Variants in DISC1 observed in about 807,000 individuals in gnomAD.
The protein encoded by DISC1 is DISC1 scaffold protein, also known as disrupted in schizophrenia 1 protein.
Under a neutral mutation model 84.5 loss-of-function variants are expected in DISC1, and 57 were observed. The ratio of observed to expected loss-of-function variants is 0.67; its 90% confidence interval spans 0.55 to 0.84. DISC1 has a LOEUF of 0.84. Among genes scored for constraint, DISC1 ranks in the 40% least tolerant of loss-of-function variants. The pLI is 0.00. For missense variants in DISC1, 1,000 were observed against 1,057.8 expected (o/e 0.95, Z 0.76); for synonymous variants, 411 against 415.2 (o/e 0.99, Z 0.12).
At chr1:231,861,538 G>A (rs546341631) in intron 9 of DISC1, among the ~76,000 whole-genome samples, 38 of 147,120 alleles carry the variant, frequency 2.6e-4, no homozygotes, top group Admixed American at 1.2e-3. Context: ...ATTTTTCTCA[G>A]AGCCTAATTA....
chr1:231,672,965 G>A (rs16854753), intron 1 of DISC1, among the ~76,000 whole-genome samples: 27,088 of 152,084 alleles, frequency 0.18, 3,235 homozygotes, highest in East Asian at 0.49. Context: ...TGCCTAACTA[G>A]TTTGGTGCAG....
intron 9 of DISC1, among the ~76,000 whole-genome samples, chr1:231,931,617 A>G (rs1000650493): frequency 6.6e-6 from 1 of 150,772 alleles, no homozygotes; most frequent in African/African-American, 2.4e-5. Flanking sequence ...AGGACCTACC[A>G]TATAGCTCAG....
At chr1:231,645,368 C>T (rs1259196304) in intron 1 of DISC1, among the ~76,000 whole-genome samples, 1 of 152,118 alleles carries the variant, frequency 6.6e-6, no homozygotes, top group Non-Finnish European at 1.5e-5. Flanking sequence ...ACAAGTCAAA[C>T]CAGGGCCTTT....
chr1:231,903,935 G>A (rs555796795), intron 9 of DISC1, among the ~76,000 whole-genome samples: 133 of 152,348 alleles, frequency 8.7e-4, no homozygotes, highest in African/African-American at 3.2e-3. Flanking sequence ...AGACTATAGA[G>A]AGTCAGGCTG....
chr1:231,749,980 A>G lies in DISC1; in HGVS notation c.1172A>G (p.His391Arg), dbSNP rs1303682098. 1.9e-6 allele frequency: 3 copies of G among 1,614,230 alleles called. No homozygotes were observed. Among genetic ancestry groups the G allele is most frequent in the Non-Finnish European group, 2.5e-6 (3 of 1,180,042 alleles). ...CTGGAACAAGAGAAAATCAGCCTGC[A>G]CTTTCAACTTCCTTCAAGGCAGCCA... ...EDLEQEKISL[H>R]FQLPSRQPAL... is the part of the protein sequence containing the mutation. The change falls in exon 4 of 13, where the codon CAC becomes CGC. Residue 391 changes from histidine to arginine, a missense_variant. By Grantham distance (29) the His-to-Arg change is conservative. This residue lies in a region of DISC1 where 311 missense variants were observed against 400.1 expected (regional missense o/e 0.78). Transcript: ENST00000439617.
At chr1:231,858,873 G>A (rs575866386) in intron 9 of DISC1, among the ~76,000 whole-genome samples, 4 of 152,268 alleles carry the variant, frequency 2.6e-5, no homozygotes, top group Non-Finnish European at 5.9e-5. Context: ...AATGTAAAAC[G>A]TTGATGAATT....
intron 9 of DISC1, among the ~76,000 whole-genome samples, chr1:231,864,655 G>A (rs1349570906): frequency 2.0e-5 from 3 of 151,928 alleles, no homozygotes; most frequent in African/African-American, 7.3e-5. Flanking sequence ...AGGGAGACTC[G>A]TCTCAAAAAC....
chr1:231,626,888 G>A lies in DISC1; in HGVS notation c.21G>A (p.Gln7=). The part of the protein sequence containing the change: MPGGGP[Q]GAPAAAGGGG... ...GGCGCATGCCAGGCGGGGGTCCTCA[G>A]GGCGCCCCAGCCGCCGCCGGCGGCG... is the stretch of plus-strand genomic sequence containing the variant. The change falls in exon 1 of 13, where the codon CAG becomes CAA. Residue 7 remains glutamine, a synonymous_variant. Coordinates refer to ENST00000439617, the MANE Select transcript of DISC1 (RefSeq NM_018662.3). 1 of 1,497,910 alleles carries A rather than the reference G, an allele frequency of 6.7e-7. No individual in the cohort carries two copies. Among genetic ancestry groups the A allele is most frequent in the Non-Finnish European group, 8.8e-7 (1 of 1,132,434 alleles). 92.8% of individuals were successfully genotyped at this position (1,497,910 alleles called of 1,614,324 possible).
At chr1:232,007,929 A>C (rs911650574) in intron 10 of DISC1, among the ~76,000 whole-genome samples, 1 of 152,128 alleles carries the variant, frequency 6.6e-6, no homozygotes, top group Non-Finnish European at 1.5e-5. Flanking sequence ...GTGAGTTCTC[A>C]TGAGATCTGG....
rs557878230 is a variant in DISC1 at position 231,811,127 on chromosome 1, G to A, written c.1793-7202G>A. ...TATTCTATGAAATATATGGCTGTCT[G>A]AAATGTTTGATGTGCAAAGCCAGCC... is the stretch of plus-strand genomic sequence containing the variant. On this transcript the variant is annotated intron_variant, in intron 8 of 12. Coordinates refer to ENST00000439617, the MANE Select transcript of DISC1 (RefSeq NM_018662.3). Among the ~76,000 whole-genome samples the A allele has an allele frequency of 1.8e-4, 27 of 152,342 alleles. No individual in the cohort carries two copies. The South Asian group carries it at 5.6e-3, about 32-fold the overall frequency.
chr1:231,820,509 G>A (rs749984538), intron 9 of DISC1, among the ~76,000 whole-genome samples: 1 of 152,156 alleles, frequency 6.6e-6, no homozygotes, highest in Non-Finnish European at 1.5e-5. Flanking sequence ...CTTAAAAAAA[G>A]ATTTTGATTT....
At chr1:231,916,150 C>T (rs934676344) in intron 9 of DISC1, among the ~76,000 whole-genome samples, 1 of 152,138 alleles carries the variant, frequency 6.6e-6, no homozygotes, top group African/African-American at 2.4e-5. Context: ...ATGGAAGTTA[C>T]CTAACTGACT....
rs148324192 is a variant in DISC1 at position 231,845,484 on chromosome 1, C to T, written c.1981+26967C>T. Among the ~76,000 whole-genome samples, 1,132 of 152,168 alleles carry T rather than the reference C, an allele frequency of 7.4e-3. 6 individuals are homozygous for T. The highest frequency in any genetic ancestry group is 0.024 in the Middle Eastern group (7 of 294). On this transcript the variant is annotated intron_variant, in intron 9 of 12. Transcript: ENST00000439617. The stretch of plus-strand genomic sequence containing the variant: ...ACCTGGCACGGGGAACACAGAATTG[C>T]CAGGTGGATTTGGTGCCCATTTGGA...
chr1:232,030,704 G>A (rs1669927819), intron 12 of DISC1, among the ~76,000 whole-genome samples: 1 of 152,170 alleles, frequency 6.6e-6, no homozygotes, highest in Admixed American at 6.5e-5. Context: ...AAGGTAACGA[G>A]AGTTTTGGGA....
chr1:232,036,369 C>T (rs561382182), intron 12 of DISC1, among the ~76,000 whole-genome samples: 71 of 152,222 alleles, frequency 4.7e-4, no homozygotes, highest in African/African-American at 1.6e-3. Flanking sequence ...GGGGCTTAGC[C>T]GGAGTTATGG....
intron 11 of DISC1, among the ~76,000 whole-genome samples, chr1:232,014,906 G>A (rs888892615): frequency 2.6e-5 from 4 of 152,108 alleles, no homozygotes; most frequent in South Asian, 2.1e-4. Flanking sequence ...ATATTTCATC[G>A]CTCTACATAG....
At chr1:231,695,480 G>A (rs200675355) in intron 2 of DISC1, among the ~76,000 whole-genome samples, 296 of 152,286 alleles carry the variant, frequency 1.9e-3, no homozygotes, top group Middle Eastern at 3.4e-3. Flanking sequence ...AGTAGGTAGG[G>A]TTCCTCTACC....
intron 1 of DISC1, among the ~76,000 whole-genome samples, chr1:231,640,706 A>T (rs1218816735): frequency 6.7e-6 from 1 of 149,840 alleles, no homozygotes; most frequent in Non-Finnish European, 1.5e-5. Context: ...TTTTATTTTT[A>T]TTTATTTTTT....
At chr1:231,946,835 C>T (rs189578297) in intron 9 of DISC1, among the ~76,000 whole-genome samples, 82 of 152,252 alleles carry the variant, frequency 5.4e-4, no homozygotes, top group Non-Finnish European at 9.9e-4. Context: ...GACCCAAATC[C>T]TGAATGAACT....
Sources: allele counts gnomAD v4.1 joint callset (sites outside exome capture counted in the v4.1 genomes callset), GRCh38; gene constraint gnomAD v4.1.1; regional missense constraint gnomAD v4.1.1; transcripts MANE v1.5; gene names NCBI Gene and HGNC (gene_info 2026-07-23, HGNC 2026-07-21).